The following CAMTA2 variants were observed in gnomAD, a reference collection of about 807,000 sequenced individuals.
CAMTA2 encodes calmodulin binding transcription activator 2.
A neutral mutation model predicts 135.7 loss-of-function variants in CAMTA2; 56 were observed. The observed-to-expected ratio is 0.41, with a 90% CI of 0.33 to 0.52. The LOEUF (loss-of-function observed/expected upper bound fraction) is 0.52, where lower values mean the gene tolerates loss of function less well. Among genes scored for constraint, CAMTA2 ranks in the 20% least tolerant of loss-of-function variants. CAMTA2 has a pLI of 0.16. For synonymous variants in CAMTA2, 591 were observed against 604.6 expected (o/e 0.98, Z 0.33); for missense variants, 1,358 against 1,553.4 (o/e 0.87, Z 2.11).
At chr17:4,987,220 C>A (rs529341812) in intron 1 of CAMTA2, 1 of 1,340,756 alleles carries the variant, frequency 7.5e-7, no homozygotes, top group Non-Finnish European at 9.5e-7. Context: ...CCGGATCGGA[C>A]GCTTGGCACT....
chr17:4,973,036 G>T, intron 14 of CAMTA2, 45 bp from the exon 15 acceptor site: 24 of 1,555,182 alleles, frequency 1.5e-5, no homozygotes, highest in Non-Finnish European at 2.0e-5. Context: ...TGGAGGTGAG[G>T]CCAGGGGCTC....
chr17:4,971,202 C>T (rs774236441), intron 16 of CAMTA2, among the ~76,000 whole-genome samples: 1 of 152,218 alleles, frequency 6.6e-6, no homozygotes, highest in Non-Finnish European at 1.5e-5. Context: ...CTCCTTCCTG[C>T]ATCAGATCAC....
intron 8 of CAMTA2, 72 bp downstream of exon 8, chr17:4,981,153 A>C (rs1356423465): frequency 6.5e-7 from 1 of 1,539,708 alleles, no homozygotes; most frequent in African/African-American, 1.4e-5. Flanking sequence ...ATCAAGATGG[A>C]TATCCCCCTG....
At position 4,980,514 on chromosome 17, in the gene CAMTA2, G is replaced by T; in HGVS notation, c.808C>A (p.Pro270Thr). The change falls in exon 9 of 23, where the codon CCA becomes ACA. Residue 270 changes from proline to threonine, a missense_variant. By Grantham distance (38) the Pro-to-Thr change is conservative. Coordinates refer to ENST00000348066, the MANE Select transcript of CAMTA2 (RefSeq NM_015099.4). This position sits in a 1 kb window ranked among gnomAD's most constrained non-coding sequence, Gnocchi z 5.3. ...GGGGCTATCAGTGGAGGAGGCTCTG[G>T]GGGGTGAGCGTGGGGGATAGAGGTC... ...TLTSIPHAHP[P>T]EPPPLIAPLP... 1.2e-6 allele frequency: 2 copies of T among 1,612,808 alleles called. No homozygotes were observed. The highest frequency in any genetic ancestry group is 8.5e-7 in the Non-Finnish European group (1 of 1,179,066).
At chr17:4,973,014 C>G (rs749428043) in intron 14 of CAMTA2, 23 bp from the exon 15 acceptor site, 2 of 1,599,790 alleles carry the variant, frequency 1.3e-6, no homozygotes, top group African/African-American at 1.3e-5. Flanking sequence ...GCGGGACAGG[C>G]GGAGACGGAG....
At position 4,970,062 on chromosome 17, in the gene CAMTA2, C is replaced by T. The variant is rs764409720; in HGVS notation, c.3029G>A (p.Arg1010His). ...GGAGGGTGCTGAAGGGACAGCCAGG[C>T]GACCTCGCTCAAAGGGCAGTTCGCT... ...PPSELPFERG[R>H]LAVPSAPSWA... The change falls in exon 18 of 23, where the codon CGC (arginine) becomes CAC (histidine). Residue 1010 changes from arginine (R) to histidine (H), a missense_variant. Transcript: ENST00000348066. 3 of 1,613,898 alleles carry T rather than the reference C, an allele frequency of 1.9e-6. No homozygotes were observed. The highest frequency in any genetic ancestry group is 3.3e-5 in the Admixed American group (2 of 60,006).
Position 4,968,962 on chromosome 17 carries a change from T to G in CAMTA2, c.3490A>C (p.Lys1164Gln), listed in dbSNP as rs1380636163. Residue 1164 changes from lysine to glutamine, a missense_variant, in exon 22 of 23, where the codon AAG becomes CAG. Coordinates refer to ENST00000348066, the MANE Select transcript of CAMTA2 (RefSeq NM_015099.4). ...ARNKGSFLTK[K>Q]QDQAARKIMR... is the part of the protein sequence containing the mutation. ...ATCTTCCGGGCTGCCTGGTCCTGCT[T>G]CTTGGTGAGAAAGGAGCCTCTGGTG... The G allele has an allele frequency of 3.7e-6, 6 of 1,614,044 alleles. No individual in the cohort carries two copies. The Admixed American group carries it at 5.0e-5, about 13-fold the overall frequency.
intron 2 of CAMTA2, 51 bp downstream of exon 2, chr17:4,986,140 TG>T: frequency 8.5e-7 from 1 of 1,181,864 alleles, no homozygotes; most frequent in Admixed American, 1.7e-5. Flanking sequence ...CACTAAAGCG[TG>T]GGGAGAACGA....
chr17:4,980,573 A>G lies in CAMTA2; in HGVS notation c.749T>C (p.Ile250Thr), dbSNP rs1419937046. 1 of 1,613,914 alleles carries G rather than the reference A, an allele frequency of 6.2e-7. No individual in the cohort carries two copies. Among genetic ancestry groups the G allele is most frequent in the Non-Finnish European group, 8.5e-7 (1 of 1,179,960 alleles). ...HKCSSTKHRIISPKVEPRALT... is the reference protein window; with the variant it reads ...HKCSSTKHRITSPKVEPRALT... The stretch of plus-strand genomic sequence containing the variant: ...AGCTCGGGGCTCCACTTTGGGAGAG[A>G]TGATGCGGTGTTTCGTGCTGCTGCA... The change falls in exon 9 of 23, where the codon ATC (isoleucine) becomes ACC (threonine). Residue 250 changes from isoleucine to threonine, a missense_variant. Transcript: ENST00000348066. This position sits in a 1 kb window ranked among gnomAD's most constrained non-coding sequence, Gnocchi z 5.3.
In CAMTA2 at chr17:4,980,162, C is replaced by A; in HGVS notation, c.1160G>T (p.Gly387Val). ...TCCCTGCCCCCCTCCATATGTCTGG[C>A]CCCTCTGGGGGCTGTTGAGAAAACG... The part of the protein sequence containing the change: ...PDRFLNSPQR[G>V]QTYGGGQGVS... The change falls in exon 9 of 23, where the codon GGC becomes GTC. Residue 387 changes from glycine to valine, a missense_variant. Coordinates refer to ENST00000348066, the MANE Select transcript of CAMTA2 (RefSeq NM_015099.4). The surrounding 1 kb of genome is among the most constrained non-coding windows in gnomAD (Gnocchi z 5.3). 1 of 1,583,332 alleles carries A rather than the reference C, an allele frequency of 6.3e-7. No homozygotes were observed. Among genetic ancestry groups the A allele is most frequent in the Admixed American group, 1.8e-5 (1 of 56,432 alleles).
At position 4,970,462 on chromosome 17, in the gene CAMTA2, C is replaced by A; in HGVS notation, c.2883G>T (p.Gly961=). The A allele has an allele frequency of 6.2e-7, 1 of 1,614,190 alleles. No individual in the cohort carries two copies. Among genetic ancestry groups the A allele is most frequent in the Middle Eastern group, 1.6e-4 (1 of 6,062 alleles). The change falls in exon 17 of 23, where the codon GGG becomes GGT. Residue 961 remains glycine, a synonymous_variant. Transcript: ENST00000348066. ...GCATTGAGGCTCCAGCCTCGGGCAG[C>A]CCCACGAAGTCCTCTCGTTTAATCC... ...PERIKREDFV[G]LPEAGASMRE...
chr17:4,984,041 C>A (rs1306849561), intron 3 of CAMTA2, among the ~76,000 whole-genome samples: 3 of 152,188 alleles, frequency 2.0e-5, no homozygotes, highest in Non-Finnish European at 2.9e-5. Context: ...AGCTCTTCCT[C>A]CTGGGTTCAT....
chr17:4,987,634 C>T lies in CAMTA2; in HGVS notation c.-106G>A. 6.6e-7 allele frequency: 1 copy of T among 1,525,522 alleles called. No homozygotes were observed. The highest frequency in any genetic ancestry group is 8.8e-7 in the Non-Finnish European group (1 of 1,141,840). 94.5% of individuals were successfully genotyped at this position (1,525,522 alleles called of 1,614,324 possible). Reference sequence around the variant, plus strand: ...GGTGACGGCGGCAGCGGCCATTCTACCCCACACCGACCCCCCCCAGCGCCG... The same window carrying T: ...GGTGACGGCGGCAGCGGCCATTCTATCCCACACCGACCCCCCCCAGCGCCG... On this transcript the variant is annotated 5_prime_UTR_variant, in exon 1 of 23. Transcript: ENST00000348066.
At chr17:4,981,525 T>C (rs556580195) in intron 7 of CAMTA2, among the ~76,000 whole-genome samples, 153 bp downstream of exon 7, 1 of 152,344 alleles carries the variant, frequency 6.6e-6, no homozygotes, top group South Asian at 2.1e-4. Flanking sequence ...TTTCTCCGTA[T>C]TCTAATACCT....
chr17:4,974,455 TCCATCTGCTC>T lies in CAMTA2; in HGVS notation c.1936_1945del (p.Glu646ArgfsTer36), dbSNP rs1309495592. 6.2e-7 allele frequency: 1 copy of T among 1,614,012 alleles called. No individual in the cohort carries two copies. Among genetic ancestry groups the T allele is most frequent in the Non-Finnish European group, 8.5e-7 (1 of 1,179,928 alleles). ...TGCTGCGATCTCTGCCATCCGCTTC[TCCATCTGCTC>T]CAGTCGCTCTAGTATGGACATCCGG... On this transcript the variant is annotated frameshift_variant, in exon 12 of 23. Transcript: ENST00000348066. LOFTEE classifies it high-confidence loss of function.
Position 4,968,945 on chromosome 17 carries a change from G to A in CAMTA2, c.3507C>T (p.Ala1169=), listed in dbSNP as rs1567680689. 5 of 1,614,082 alleles carry A rather than the reference G, an allele frequency of 3.1e-6. No individual in the cohort carries two copies. The highest frequency in any genetic ancestry group is 4.2e-6 in the Non-Finnish European group (5 of 1,180,050). Residue 1169 remains alanine (A), a synonymous_variant, in exon 22 of 23, where the codon GCC becomes GCT. Transcript: ENST00000348066. ...GCCGCAGGAATCTCATGATCTTCCG[G>A]GCTGCCTGGTCCTGCTTCTTGGTGA... is the stretch of plus-strand genomic sequence containing the variant. ...SFLTKKQDQA[A]RKIMRFLRRC...
chr17:4,969,606 A>G lies in CAMTA2; in HGVS notation c.3261+24T>C. The G allele has an allele frequency of 6.2e-7, 1 of 1,613,920 alleles. No individual in the cohort carries two copies. Among genetic ancestry groups the G allele is most frequent in the Non-Finnish European group, 8.5e-7 (1 of 1,179,884 alleles). On this transcript the variant is annotated intron_variant, in intron 19 of 22. Coordinates refer to ENST00000348066, the MANE Select transcript of CAMTA2 (RefSeq NM_015099.4). This position sits in a 1 kb window ranked among gnomAD's most constrained non-coding sequence, Gnocchi z 5.6. Reference sequence around the variant, plus strand: ...TGTGGGTTGGTGGGTTGCTGGTTACACTTTTGAGGGAGAAGGGTCTCACCT... The same window carrying G: ...TGTGGGTTGGTGGGTTGCTGGTTACGCTTTTGAGGGAGAAGGGTCTCACCT...
In CAMTA2 at chr17:4,969,388, C is replaced by T. The variant is rs1258488440; in HGVS notation, c.3283-51G>A. The T allele has an allele frequency of 1.2e-5, 19 of 1,610,040 alleles. No individual in the cohort carries two copies. The highest frequency in any genetic ancestry group is 1.5e-5 in the Non-Finnish European group (18 of 1,176,470). ...GGGCTGAAATAGAGGGACGGAGACC[C>T]AAAGCCCTGAGGCTCACCCAAGTTA... is the stretch of plus-strand genomic sequence containing the variant. On this transcript the variant is annotated intron_variant, in intron 20 of 22. Coordinates refer to ENST00000348066, the MANE Select transcript of CAMTA2 (RefSeq NM_015099.4). The surrounding 1 kb of genome is among the most constrained non-coding windows in gnomAD (Gnocchi z 5.6).
intron 3 of CAMTA2, among the ~76,000 whole-genome samples, chr17:4,985,186 CA>C (rs897160665): frequency 6.7e-6 from 1 of 150,290 alleles, no homozygotes; most frequent in Non-Finnish European, 1.5e-5. Flanking sequence ...GACTCCGTCT[CA>C]AAAAAAAAGG....
Sources: allele counts gnomAD v4.1 joint callset (sites outside exome capture counted in the v4.1 genomes callset), GRCh38; gene constraint gnomAD v4.1.1; non-coding constraint Gnocchi (gnomAD v3.1); transcripts MANE v1.5; gene names NCBI Gene and HGNC (gene_info 2026-07-23, HGNC 2026-07-21).